Variants in RALGAPA2 observed in about 807,000 individuals in gnomAD.
The protein encoded by RALGAPA2 is Ral GTPase activating protein catalytic subunit alpha 2, also known as ral GTPase-activating protein subunit alpha-2.
In RALGAPA2, 139 loss-of-function variants were observed where a neutral mutation model predicts 230.4. That is an observed-to-expected ratio of 0.60 (90% CI 0.53 to 0.69). The LOEUF (loss-of-function observed/expected upper bound fraction) is 0.69. Ranked by LOEUF, RALGAPA2 falls within the 30% of genes least tolerant of loss-of-function variation. The pLI is 0.00. For missense variants in RALGAPA2, 2,163 were observed against 2,276.0 expected, an observed-to-expected ratio of 0.95 and a Z score of 1.01; for synonymous variants, 847 against 837.8, an observed-to-expected ratio of 1.01 and a Z score of -0.19.
At chr20:20,558,135 G>C (rs1429154527) in intron 23 of RALGAPA2, among the ~76,000 whole-genome samples, 1 of 152,094 alleles carries the variant, frequency 6.6e-6, no homozygotes, top group Non-Finnish European at 1.5e-5. Context: ...CTCCCAAGTA[G>C]CTGGGATTAC....
intron 1 of RALGAPA2, among the ~76,000 whole-genome samples, chr20:20,700,915 ATTGT>A (rs1429853971): frequency 5.9e-5 from 9 of 152,186 alleles, no homozygotes; most frequent in African/African-American, 2.2e-4. Context: ...GCTTTCAGGA[ATTGT>A]TTAAGCCATG....
At position 20,437,482 on chromosome 20, in the gene RALGAPA2, C is replaced by T. The variant is rs1408887373; in HGVS notation, c.5496-25334G>A. ...CTCCGTTCAGCCTTCAGATGGCTCC[C>T]ACCTCACAGGAAAAGCGGAAGTCCT... is the stretch of plus-strand genomic sequence containing the variant. On this transcript the variant is annotated intron_variant, in intron 37 of 39. Coordinates refer to ENST00000202677, the MANE Select transcript of RALGAPA2 (RefSeq NM_020343.4). The surrounding 1 kb of genome is among the most constrained non-coding windows in gnomAD (Gnocchi z 4.1). Among the ~76,000 whole-genome samples the T allele has an allele frequency of 2.0e-5, 3 of 152,230 alleles. No individual in the cohort carries two copies. The highest frequency in any genetic ancestry group is 1.3e-4 in the Admixed American group (2 of 15,286).
chr20:20,571,985 T>C (rs763814655), intron 21 of RALGAPA2, 39 bp from the exon 22 acceptor site: 15 of 1,383,442 alleles, frequency 1.1e-5, no homozygotes, highest in Admixed American at 1.9e-5. Flanking sequence ...TAGGTAACAT[T>C]ACGTTTATCC....
At chr20:20,702,309 G>A (rs1288926239) in intron 1 of RALGAPA2, among the ~76,000 whole-genome samples, 1 of 152,170 alleles carries the variant, frequency 6.6e-6, no homozygotes, top group African/African-American at 2.4e-5. Flanking sequence ...GCCAAGACAG[G>A]ATTAGACATG....
chr20:20,443,173 T>C (rs2060777662), intron 37 of RALGAPA2, among the ~76,000 whole-genome samples: 1 of 152,206 alleles, frequency 6.6e-6, no homozygotes, highest in Non-Finnish European at 1.5e-5. Context: ...CTTTGATCAA[T>C]TAACAAAGGT....
At chr20:20,491,159 T>C (rs2062045870) in intron 36 of RALGAPA2, among the ~76,000 whole-genome samples, 1 of 152,144 alleles carries the variant, frequency 6.6e-6, no homozygotes, top group Non-Finnish European at 1.5e-5. Context: ...GTGGTAGGCT[T>C]AGAACTGGAA....
intron 23 of RALGAPA2, among the ~76,000 whole-genome samples, chr20:20,570,946 G>A (rs961161175): frequency 6.6e-6 from 1 of 152,084 alleles, no homozygotes; most frequent in African/African-American, 2.4e-5. Flanking sequence ...TGGCTCCTTG[G>A]GCCTTTCTGT....
Position 20,680,720 on chromosome 20 carries a change from A to G in RALGAPA2, c.188T>C (p.Ile63Thr). 1 of 1,576,888 alleles carries G rather than the reference A, an allele frequency of 6.3e-7. No individual in the cohort carries two copies. Among genetic ancestry groups the G allele is most frequent in the Non-Finnish European group, 8.6e-7 (1 of 1,166,398 alleles). ...TAATTTCAAACTATTTTCCAGTGCT[A>G]TAAAATTTTCATAGAAGATGAAATA... is the stretch of plus-strand genomic sequence containing the variant. ...QIYFIFYENF[I>T]ALENSLKLKG... is the part of the protein sequence containing the mutation. The change falls in exon 2 of 40, where the codon ATA (isoleucine) becomes ACA (threonine). Residue 63 changes from isoleucine to threonine, a missense_variant. Physicochemically the swap from Ile to Thr is moderately conservative, Grantham distance 89 (BLOSUM62 -1). Coordinates refer to ENST00000202677, the MANE Select transcript of RALGAPA2 (RefSeq NM_020343.4).
At chr20:20,554,885 CT>C (rs1253422846) in intron 23 of RALGAPA2, among the ~76,000 whole-genome samples, 1 of 152,162 alleles carries the variant, frequency 6.6e-6, no homozygotes, top group Admixed American at 6.5e-5. Context: ...TGTATTTTCA[CT>C]TGCTTGATAG....
chr20:20,455,407 G>C (rs2061091294), intron 37 of RALGAPA2, among the ~76,000 whole-genome samples: 1 of 152,224 alleles, frequency 6.6e-6, no homozygotes, highest in Non-Finnish European at 1.5e-5. Flanking sequence ...CTAAAGAGCT[G>C]GGGGATCGGG....
intron 27 of RALGAPA2, among the ~76,000 whole-genome samples, chr20:20,530,396 C>A (rs551330872): frequency 2.0e-5 from 3 of 152,318 alleles, no homozygotes; most frequent in African/African-American, 7.2e-5. Flanking sequence ...TCCCATAATA[C>A]AACCACCACC....
intron 14 of RALGAPA2, 35 bp downstream of exon 14, chr20:20,611,280 C>A (rs1372373735): frequency 5.1e-6 from 8 of 1,561,828 alleles, no homozygotes; most frequent in Non-Finnish European, 6.9e-6. Flanking sequence ...TGATTCATTT[C>A]TTGCATTTGC....
chr20:20,567,655 GC>G (rs1012343144), intron 23 of RALGAPA2, among the ~76,000 whole-genome samples: 1 of 151,986 alleles, frequency 6.6e-6, no homozygotes, highest in Admixed American at 6.6e-5. Context: ...GTGGCACTGG[GC>G]AAAAGTTTTA....
At chr20:20,687,043 C>T (rs1465921460) in intron 1 of RALGAPA2, among the ~76,000 whole-genome samples, 1 of 152,174 alleles carries the variant, frequency 6.6e-6, no homozygotes, top group African/African-American at 2.4e-5. Flanking sequence ...GCCTATAGTC[C>T]TGTGTGTAGA....
intron 9 of RALGAPA2, among the ~76,000 whole-genome samples, chr20:20,633,400 GC>G (rs1369655238): frequency 2.0e-5 from 3 of 152,154 alleles, no homozygotes; most frequent in Non-Finnish European, 4.4e-5. Flanking sequence ...CTCCCAAAGT[GC>G]TGGGATTACA....
intron 3 of RALGAPA2, 37 bp from the exon 4 acceptor site, chr20:20,653,624 T>C (rs1334707853): frequency 8.0e-7 from 1 of 1,243,650 alleles, no homozygotes; most frequent in East Asian, 2.6e-5. Context: ...AAACAACAAA[T>C]GAAATTACAC....
At chr20:20,576,421 G>A (rs1366167686) in intron 20 of RALGAPA2, among the ~76,000 whole-genome samples, 1 of 152,054 alleles carries the variant, frequency 6.6e-6, no homozygotes, top group Non-Finnish European at 1.5e-5. Context: ...TGGTTTTTAA[G>A]GAGTACTGGC....
intron 3 of RALGAPA2, among the ~76,000 whole-genome samples, chr20:20,666,024 G>T (rs980574937): frequency 7.2e-5 from 11 of 152,176 alleles, no homozygotes; most frequent in African/African-American, 2.2e-4. Context: ...TCCCAACCAA[G>T]GGTTCAACAT....
chr20:20,550,938 T>A (rs908118863), intron 23 of RALGAPA2, among the ~76,000 whole-genome samples: 2 of 152,246 alleles, frequency 1.3e-5, no homozygotes, highest in African/African-American at 4.8e-5. Context: ...ATTATTTTGC[T>A]GATCTACAGA....
Sources: gnomAD v4.1 joint callset for allele counts (sites outside exome capture counted in the v4.1 genomes callset) on GRCh38, gnomAD v4.1.1 for gene constraint, Gnocchi (gnomAD v3.1) non-coding constraint, MANE v1.5 for transcripts, NCBI Gene and HGNC (gene_info 2026-07-23, HGNC 2026-07-21) for gene names.